The following PCDHGA11 variants were observed in gnomAD, a reference collection of about 807,000 sequenced individuals.
The protein encoded by PCDHGA11 is protocadherin gamma subfamily A, 11.
PCDHGA11 carries 39 observed loss-of-function variants against 60.4 expected under a neutral mutation model. That is an observed-to-expected ratio of 0.65 (90% CI 0.50 to 0.84). PCDHGA11 has a LOEUF of 0.84. PCDHGA11 is among the 40% of genes least tolerant of loss of function. PCDHGA11 has a pLI of 0.00. For synonymous variants in PCDHGA11, 533 were observed against 510.3 expected (o/e 1.04, Z -0.60); for missense variants, 1,165 against 1,197.7 (o/e 0.97, Z 0.40).
chr5:141,432,766 C>G lies in PCDHGA11; in HGVS notation c.2433+9106C>G. On this transcript the variant is annotated intron_variant, in intron 1 of 3. Transcript: ENST00000398587. This position sits in a 1 kb window ranked among gnomAD's most constrained non-coding sequence, Gnocchi z 6.0. Reference sequence around the variant, plus strand: ...CCGTGGCCGTGGCCGACAGCATCCCCCAAGTCCTGGCGGACCTCGGCAGCC... The same window carrying G: ...CCGTGGCCGTGGCCGACAGCATCCCGCAAGTCCTGGCGGACCTCGGCAGCC... 6.2e-7 allele frequency: 1 copy of G among 1,614,160 alleles called. No individual in the cohort carries two copies. The highest frequency in any genetic ancestry group is 8.5e-7 in the Non-Finnish European group (1 of 1,179,994).
Position 141,423,278 on chromosome 5 carries a change from A to C in PCDHGA11, c.2051A>C (p.Asn684Thr). 1.2e-6 allele frequency: 2 copies of C among 1,613,940 alleles called. No individual in the cohort carries two copies. Among genetic ancestry groups the C allele is most frequent in the Non-Finnish European group, 1.7e-6 (2 of 1,179,964 alleles). ...CTCGGCAGCCTCGAGTCTCTGGCTA[A>C]CTCTGAAACCTCAGACCTCTCGCTG... ...ADLGSLESLA[N>T]SETSDLSLYL... Residue 684 changes from asparagine (N) to threonine (T), a missense_variant, in exon 1 of 4, where the codon AAC becomes ACC. Coordinates refer to ENST00000398587, the MANE Select transcript of PCDHGA11 (RefSeq NM_018914.3).
chr5:141,431,702 T>C lies in PCDHGA11; in HGVS notation c.2433+8042T>C, dbSNP rs1349630251. The C allele has an allele frequency of 5.6e-6, 9 of 1,614,110 alleles. No individual in the cohort carries two copies. In the East Asian group the frequency reaches 8.9e-5, roughly 16 times the overall value. Reference sequence around the variant, plus strand: ...GTTGGACCACGAGGAGTCAGGATTCTACCAGATGGAAGTGCAAGCAATGGA... The same window carrying C: ...GTTGGACCACGAGGAGTCAGGATTCCACCAGATGGAAGTGCAAGCAATGGA... On this transcript the variant is annotated intron_variant, in intron 1 of 3. Transcript: ENST00000398587. This position sits in a 1 kb window ranked among gnomAD's most constrained non-coding sequence, Gnocchi z 4.8.
chr5:141,469,354 A>G (rs1160934469), intron 1 of PCDHGA11, among the ~76,000 whole-genome samples: 1 of 152,128 alleles, frequency 6.6e-6, no homozygotes, highest in Non-Finnish European at 1.5e-5. Flanking sequence ...AGGTGGATGG[A>G]TCATGAGGTA....
rs750216656 is a variant in PCDHGA11 at position 141,422,121 on chromosome 5, A to G, written c.894A>G (p.Gln298=). 4.4e-6 allele frequency: 7 copies of G among 1,602,838 alleles called. No individual in the cohort carries two copies. In the Admixed American group the frequency reaches 8.8e-5, roughly 20 times the overall value. The change falls in exon 1 of 4, where the codon CAA becomes CAG. Residue 298 remains glutamine, a synonymous_variant. Coordinates refer to ENST00000398587, the MANE Select transcript of PCDHGA11 (RefSeq NM_018914.3). ...KASEIFQLDS[Q]TGEVQVRGSL... is the part of the protein sequence containing the mutation. ...CTGAAATATTCCAATTGGATTCACA[A>G]ACTGGAGAAGTTCAAGTACGGGGGT...
In PCDHGA11 at chr5:141,477,551, C is replaced by T. The variant is rs372055994; in HGVS notation, c.2434-17256C>T. ...CCTCCCCGGGGCTCCAATACTAAAC[C>T]TAAGTGTCTGGGACCCCGACGCCCC... On this transcript the variant is annotated intron_variant, in intron 1 of 3. Coordinates refer to ENST00000398587, the MANE Select transcript of PCDHGA11 (RefSeq NM_018914.3). The surrounding 1 kb of genome is among the most constrained non-coding windows in gnomAD (Gnocchi z 4.9). The T allele has an allele frequency of 8.1e-6, 13 of 1,614,060 alleles. No homozygotes were observed. Among genetic ancestry groups the T allele is most frequent in the Non-Finnish European group, 1.0e-5 (12 of 1,180,042 alleles).
Position 141,490,148 on chromosome 5 carries a change from A to T in PCDHGA11, c.2434-4659A>T. On this transcript the variant is annotated intron_variant, in intron 1 of 3. Transcript: ENST00000398587. This position sits in a 1 kb window ranked among gnomAD's most constrained non-coding sequence, Gnocchi z 5.4. The stretch of plus-strand genomic sequence containing the variant: ...CTAGACCCTAGCAGTGGGGCAATCC[A>T]TGTGTTGGGTCCCATAGACTTTGAG... The T allele has an allele frequency of 6.2e-7, 1 of 1,614,232 alleles. No homozygotes were observed. The highest frequency in any genetic ancestry group is 1.3e-5 in the African/African-American group (1 of 75,068).
chr5:141,485,944 G>C lies in PCDHGA11; in HGVS notation c.2434-8863G>C, dbSNP rs2099621875. 1 of 1,613,998 alleles carries C rather than the reference G, an allele frequency of 6.2e-7. No homozygotes were observed. Reference sequence around the variant, plus strand: ...TTAGTGTGTTGGAGAGCGCACCAGCGGGCATGGTGCTCATCCAGCTCAATG... The same window carrying C: ...TTAGTGTGTTGGAGAGCGCACCAGCCGGCATGGTGCTCATCCAGCTCAATG... On this transcript the variant is annotated intron_variant, in intron 1 of 3. Transcript: ENST00000398587. This position sits in a 1 kb window ranked among gnomAD's most constrained non-coding sequence, Gnocchi z 5.7.
chr5:141,486,823 A>G lies in PCDHGA11; in HGVS notation c.2434-7984A>G, dbSNP rs778308736. On this transcript the variant is annotated intron_variant, in intron 1 of 3. Coordinates refer to ENST00000398587, the MANE Select transcript of PCDHGA11 (RefSeq NM_018914.3). The surrounding 1 kb of genome is among the most constrained non-coding windows in gnomAD (Gnocchi z 5.0). Reference sequence around the variant, plus strand: ...ACCCACCCCTTAGCAGCACTGTAACAGTTCGTCTATTTGTGCTGGACCTCA... The same window carrying G: ...ACCCACCCCTTAGCAGCACTGTAACGGTTCGTCTATTTGTGCTGGACCTCA... 1.2e-6 allele frequency: 2 copies of G among 1,614,104 alleles called. No individual in the cohort carries two copies. Among genetic ancestry groups the G allele is most frequent in the Admixed American group, 1.7e-5 (1 of 60,008 alleles).
At position 141,491,672 on chromosome 5, in the gene PCDHGA11, G is replaced by A. The variant is rs754836157; in HGVS notation, c.2434-3135G>A. The A allele has an allele frequency of 9.9e-6, 16 of 1,613,494 alleles. No homozygotes were observed. The South Asian group carries it at 1.4e-4, about 14-fold the overall frequency. On this transcript the variant is annotated intron_variant, in intron 1 of 3. Transcript: ENST00000398587. This position sits in a 1 kb window ranked among gnomAD's most constrained non-coding sequence, Gnocchi z 6.9. ...CTGGAGCCTGACGCCATCCGGTCCCGCTCTAATACGCTGCGGGAGCGGAGC... is the reference window on the plus strand; with the variant it reads ...CTGGAGCCTGACGCCATCCGGTCCCACTCTAATACGCTGCGGGAGCGGAGC...
In PCDHGA11 at chr5:141,490,023, G is replaced by A. The variant is rs1306715385; in HGVS notation, c.2434-4784G>A. The A allele has an allele frequency of 1.2e-6, 2 of 1,614,134 alleles. No homozygotes were observed. Among genetic ancestry groups the A allele is most frequent in the Non-Finnish European group, 1.7e-6 (2 of 1,180,060 alleles). On this transcript the variant is annotated intron_variant, in intron 1 of 3. Transcript: ENST00000398587. This position sits in a 1 kb window ranked among gnomAD's most constrained non-coding sequence, Gnocchi z 5.4. ...AGAATGCACCCATTGGTACTCTGCT[G>A]CTCCGCCTCAATGCCACTGATCCAG... is the stretch of plus-strand genomic sequence containing the variant.
At chr5:141,430,977 A>C (rs761722055) in intron 1 of PCDHGA11, 1 of 1,613,290 alleles carries the variant, frequency 6.2e-7, no homozygotes, top group South Asian at 1.1e-5. Context: ...GGTAGGACGC[A>C]GCTTTTCGCC....
At chr5:141,497,050 G>T (rs113054804) in intron 2 of PCDHGA11, among the ~76,000 whole-genome samples, 5,544 of 152,084 alleles carry the variant, frequency 0.036, 137 homozygotes, top group South Asian at 0.074. Context: ...TTAGCCAGGC[G>T]TGGTGGCAGG....
intron 1 of PCDHGA11, among the ~76,000 whole-genome samples, chr5:141,443,728 C>A (rs1434984241): frequency 1.3e-5 from 2 of 152,060 alleles, no homozygotes; most frequent in African/African-American, 2.4e-5. Flanking sequence ...ATTCCTCATA[C>A]ATTTCCCTAT....
At chr5:141,452,887 C>T (rs1000136303) in intron 1 of PCDHGA11, among the ~76,000 whole-genome samples, 1 of 152,174 alleles carries the variant, frequency 6.6e-6, no homozygotes, top group Non-Finnish European at 1.5e-5. Flanking sequence ...ATAATTTATT[C>T]CACTTTTATT....
Position 141,485,046 on chromosome 5 carries a change from G to A in PCDHGA11, c.2434-9761G>A. On this transcript the variant is annotated intron_variant, in intron 1 of 3. Transcript: ENST00000398587. This position sits in a 1 kb window ranked among gnomAD's most constrained non-coding sequence, Gnocchi z 5.7. ...AAAAACGGCGCGTAACCCTTGCGGCGCCGGCCGAACCGCGCCAGAGCTGGC... is the reference window on the plus strand; with the variant it reads ...AAAAACGGCGCGTAACCCTTGCGGCACCGGCCGAACCGCGCCAGAGCTGGC... 2 of 750,304 alleles carry A rather than the reference G, an allele frequency of 2.7e-6. No individual in the cohort carries two copies. The highest frequency in any genetic ancestry group is 4.5e-6 in the Non-Finnish European group (2 of 443,046). The allele number at this position is 750,304 out of a possible 1,614,324, so 46.5% of individuals were successfully genotyped here. A position where few individuals can be genotyped will look rare whatever the true frequency, so the allele number is the denominator to read the frequency against.
At chr5:141,423,836 GATA>G (rs752488755) in intron 1 of PCDHGA11, 176 bp downstream of exon 1, 23 of 1,275,246 alleles carry the variant, frequency 1.8e-5, no homozygotes, top group Non-Finnish European at 2.1e-5. Context: ...ATGAGATTAC[GATA>G]ATCTTTCAGA....
At position 141,480,524 on chromosome 5, in the gene PCDHGA11, AAAG is replaced by A. The variant is rs1342230573; in HGVS notation, c.2434-14282_2434-14280del. Among the ~76,000 whole-genome samples, 4 of 127,792 alleles carry A rather than the reference AAAG, an allele frequency of 3.1e-5. No homozygotes were observed. The East Asian group carries it at 7.7e-4, about 25-fold the overall frequency. 83.8% of individuals were successfully genotyped at this position (127,792 alleles called of 152,430 possible). On this transcript the variant is annotated intron_variant, in intron 1 of 3. Transcript: ENST00000398587. Reference sequence around the variant, plus strand: ...ACATATGAGAACAACCAAAAATGACAAAGTAGAAGCACATATGAAAAGGCTAAG... The same window carrying A: ...ACATATGAGAACAACCAAAAATGACATAGAAGCACATATGAAAAGGCTAAG...
chr5:141,476,562 C>A lies in PCDHGA11; in HGVS notation c.2434-18245C>A. On this transcript the variant is annotated intron_variant, in intron 1 of 3. Transcript: ENST00000398587. This position sits in a 1 kb window ranked among gnomAD's most constrained non-coding sequence, Gnocchi z 7.6. ...AAATTGGAGATTAGCGAGGCCGTGG[C>A]TCCGGGGACGCGCTTTCCGCTCGAG... 1 of 1,614,218 alleles carries A rather than the reference C, an allele frequency of 6.2e-7. No homozygotes were observed. The highest frequency in any genetic ancestry group is 8.5e-7 in the Non-Finnish European group (1 of 1,180,034).
At position 141,510,979 on chromosome 5, in the gene PCDHGA11, G is replaced by T; in HGVS notation, c.2614G>T (p.Gly872Cys). 3.7e-6 allele frequency: 6 copies of T among 1,614,156 alleles called. No individual in the cohort carries two copies. Among genetic ancestry groups the T allele is most frequent in the Non-Finnish European group, 4.2e-6 (5 of 1,180,018 alleles). Residue 872 changes from glycine to cysteine, a missense_variant, in exon 4 of 4, where the codon GGT becomes TGT. Gly to Cys is a radical substitution (Grantham distance 159). Coordinates refer to ENST00000398587, the MANE Select transcript of PCDHGA11 (RefSeq NM_018914.3). ...TGATGGGAGCTCCACCCTGGGAGGGGGTGCCGGCACCATGGGATTGAGCGC... is the reference window on the plus strand; with the variant it reads ...TGATGGGAGCTCCACCCTGGGAGGGTGTGCCGGCACCATGGGATTGAGCGC... Reference protein sequence around the residue: ...AADGSSTLGGGAGTMGLSARY... With the variant: ...AADGSSTLGGCAGTMGLSARY...
Sources: allele counts gnomAD v4.1 joint callset (sites outside exome capture counted in the v4.1 genomes callset), GRCh38; gene constraint gnomAD v4.1.1; non-coding constraint Gnocchi (gnomAD v3.1); transcripts MANE v1.5; gene names NCBI Gene and HGNC (gene_info 2026-07-23, HGNC 2026-07-21).